The following SHTN1 variants were observed in gnomAD, a reference collection of about 807,000 sequenced individuals.
The protein encoded by SHTN1 is shootin-1.
A neutral mutation model predicts 83.1 loss-of-function variants in SHTN1; 42 were observed. The ratio of observed to expected loss-of-function variants is 0.51; its 90% CI spans 0.39 to 0.65. The LOEUF (loss-of-function observed/expected upper bound fraction) is 0.65, where lower values mean the gene tolerates loss of function less well. SHTN1 is among the 30% of genes least tolerant of loss of function. SHTN1 has a pLI of 0.00. For synonymous variants in SHTN1, 224 were observed against 247.7 expected (o/e 0.90, Z 0.90); for missense variants, 622 against 737.8 (o/e 0.84, Z 1.82).
chr10:117,064,154 C>G (rs1188572649), intron 1 of SHTN1, among the ~76,000 whole-genome samples: 1 of 152,118 alleles, frequency 6.6e-6, no homozygotes, highest in African/African-American at 2.4e-5. Context: ...TTTCAGTGAA[C>G]TAGATAAAAC....
At chr10:116,963,202 G>A (rs1850261180) in intron 3 of SHTN1, among the ~76,000 whole-genome samples, 1 of 149,698 alleles carries the variant, frequency 6.7e-6, no homozygotes, top group Non-Finnish European at 1.5e-5. Context: ...CTCCCGAGTA[G>A]CTGGGACTAC....
intron 16 of SHTN1, among the ~76,000 whole-genome samples, chr10:116,890,750 G>A (rs1392190307): frequency 6.6e-6 from 1 of 152,222 alleles, no homozygotes; most frequent in Non-Finnish European, 1.5e-5. Context: ...GAGCAGGTGG[G>A]GCAACTTACT....
At chr10:116,904,092 G>A (rs910092432) in intron 15 of SHTN1, among the ~76,000 whole-genome samples, 1 of 152,122 alleles carries the variant, frequency 6.6e-6, no homozygotes, top group Non-Finnish European at 1.5e-5. Flanking sequence ...AAACTCTCAG[G>A]CTGTCTCTCT....
chr10:117,046,981 A>G (rs1461097739), intron 2 of SHTN1, among the ~76,000 whole-genome samples: 1 of 152,186 alleles, frequency 6.6e-6, no homozygotes, highest in Non-Finnish European at 1.5e-5. Context: ...CATACTTTAA[A>G]AGAGTGAAGT....
chr10:116,940,106 T>C (rs1849314239), intron 9 of SHTN1, among the ~76,000 whole-genome samples: 1 of 152,250 alleles, frequency 6.6e-6, no homozygotes, highest in Non-Finnish European at 1.5e-5. Context: ...CTGAGTTGAA[T>C]ACAGCCTCTT....
intron 4 of SHTN1, among the ~76,000 whole-genome samples, chr10:116,955,835 T>TC (rs1178271777): frequency 6.6e-6 from 1 of 152,194 alleles, no homozygotes; most frequent in African/African-American, 2.4e-5. Context: ...CAACCCTTTA[T>TC]CCTCAGTCCC....
At chr10:116,911,262 T>A (rs1166215729) in intron 14 of SHTN1, among the ~76,000 whole-genome samples, 1 of 152,192 alleles carries the variant, frequency 6.6e-6, no homozygotes, top group Non-Finnish European at 1.5e-5. Flanking sequence ...GCTCTCCAAC[T>A]GTCAGAAAAT....
chr10:117,096,003 T>C (rs1417526370), intron 1 of SHTN1, among the ~76,000 whole-genome samples: 4 of 152,320 alleles, frequency 2.6e-5, no homozygotes, highest in South Asian at 2.1e-4. Context: ...GCAGGTTCCA[T>C]TGCATCTTTA....
chr10:116,940,697 G>A, intron 8 of SHTN1, 85 bp from the exon 9 acceptor site: 2 of 1,129,328 alleles, frequency 1.8e-6, no homozygotes, highest in South Asian at 2.1e-5. Flanking sequence ...AAAAGTACAT[G>A]GAATTTTTAT....
intron 1 of SHTN1, among the ~76,000 whole-genome samples, chr10:117,105,176 T>C (rs536735669): frequency 7.2e-5 from 11 of 152,138 alleles, no homozygotes; most frequent in African/African-American, 2.4e-4. Context: ...TATGTGAACA[T>C]ACCATGTCCT....
intron 2 of SHTN1, among the ~76,000 whole-genome samples, chr10:116,969,606 C>T (rs1296688918): frequency 6.6e-6 from 1 of 151,986 alleles, no homozygotes; most frequent in Admixed American, 6.6e-5. Flanking sequence ...TTATATAAAC[C>T]GATTTTTAAT....
intron 2 of SHTN1, among the ~76,000 whole-genome samples, chr10:117,042,816 A>G (rs932046980): frequency 1.2e-4 from 19 of 152,114 alleles, no homozygotes; most frequent in African/African-American, 3.9e-4. Context: ...GGGTTTCACC[A>G]TATTTCTTAG....
At chr10:117,027,450 A>G (rs7085083) in intron 2 of SHTN1, among the ~76,000 whole-genome samples, 39,028 of 151,712 alleles carry the variant, frequency 0.26, 5,870 homozygotes, top group East Asian at 0.56. Flanking sequence ...ATGTGGAACC[A>G]TGAGCCAAGC....
intron 16 of SHTN1, among the ~76,000 whole-genome samples, chr10:116,896,429 A>G (rs1847523748): frequency 6.6e-6 from 1 of 152,124 alleles, no homozygotes; most frequent in Non-Finnish European, 1.5e-5. Context: ...GAAAGAAGGA[A>G]GGCTAGGCCC....
intron 1 of SHTN1, among the ~76,000 whole-genome samples, chr10:117,052,137 A>G (rs1852754474): frequency 6.6e-6 from 1 of 150,876 alleles, no homozygotes; most frequent in Non-Finnish European, 1.5e-5. Context: ...TAAACTAGCA[A>G]TAAGTAATTT....
chr10:116,958,465 G>A (rs1279390785), intron 4 of SHTN1, among the ~76,000 whole-genome samples: 1 of 152,144 alleles, frequency 6.6e-6, no homozygotes, highest in Non-Finnish European at 1.5e-5. Flanking sequence ...CTATTATTAA[G>A]ACTTAATTGT....
chr10:117,100,861 G>A (rs1455997285), intron 1 of SHTN1, among the ~76,000 whole-genome samples: 1 of 152,176 alleles, frequency 6.6e-6, no homozygotes, highest in Non-Finnish European at 1.5e-5. Context: ...TCTGAGGTGG[G>A]ACTAAGTTTG....
intron 1 of SHTN1, among the ~76,000 whole-genome samples, chr10:116,981,972 C>G (rs1406561661): frequency 1.3e-5 from 2 of 152,144 alleles, no homozygotes; most frequent in East Asian, 3.9e-4. Flanking sequence ...GCAGAAGAAT[C>G]GCTTGATCCC....
chr10:116,894,571 T>A (rs2133309652), intron 16 of SHTN1, among the ~76,000 whole-genome samples: 1 of 152,320 alleles, frequency 6.6e-6, no homozygotes, highest in South Asian at 2.1e-4. Flanking sequence ...TCTTTGAGAA[T>A]GACCAAGACG....
Sources: gnomAD v4.1 joint callset for allele counts (sites outside exome capture counted in the v4.1 genomes callset) on GRCh38, gnomAD v4.1.1 for gene constraint, MANE v1.5 for transcripts, NCBI Gene and HGNC (gene_info 2026-07-23, HGNC 2026-07-21) for gene names.